The following TPH2 variants were observed in gnomAD, a reference collection of about 807,000 sequenced individuals.
TPH2 encodes tryptophan 5-hydroxylase 2.
A neutral mutation model predicts 59.1 loss-of-function variants in TPH2; 27 were observed. The ratio of observed to expected loss-of-function variants is 0.46; its 90% CI spans 0.34 to 0.63. TPH2 has a LOEUF of 0.63. TPH2 is among the 30% of genes least tolerant of loss of function. The probability of loss-of-function intolerance (pLI) is 0.01; values close to 1 mark genes in which losing one functional copy is unlikely to be tolerated. For missense variants in TPH2, 523 were observed against 588.3 expected (o/e 0.89, Z 1.15); for synonymous variants, 220 against 210.5 (o/e 1.05, Z -0.39).
chr12:71,962,740 T>C (rs1871721781), intron 5 of TPH2: 5 of 942,288 alleles, frequency 5.3e-6, no homozygotes, highest in Non-Finnish European at 6.3e-6. Flanking sequence ...TGTTTTGTTT[T>C]GAGATAGAGT....
chr12:72,031,221 T>C, intron 9 of TPH2, 37 bp from the exon 10 acceptor site: 1 of 1,612,886 alleles, frequency 6.2e-7, no homozygotes. Context: ...GGAAGTCTCA[T>C]TACAGAGTTT....
At chr12:71,977,533 GAATGTAGT>G (rs1396081313) in intron 6 of TPH2, among the ~76,000 whole-genome samples, 5 of 152,240 alleles carry the variant, frequency 3.3e-5, no homozygotes, top group Middle Eastern at 3.4e-3. Flanking sequence ...TAATGAACTT[GAATGTAGT>G]AATCATTTCA....
intron 6 of TPH2, among the ~76,000 whole-genome samples, chr12:71,977,227 T>A (rs539791972): frequency 6.6e-6 from 1 of 152,232 alleles, no homozygotes; most frequent in Non-Finnish European, 1.5e-5. Flanking sequence ...CAGCTCATTT[T>A]TTTATTTTTA....
At chr12:72,018,792 T>G (rs1386482) in intron 8 of TPH2, among the ~76,000 whole-genome samples, 80,088 of 152,010 alleles carry the variant, frequency 0.53, 22,426 homozygotes, top group Non-Finnish European at 0.64. Flanking sequence ...TAGACTTTTA[T>G]TTCTCCATTA....
At chr12:71,980,782 A>G (rs899458998) in intron 7 of TPH2, among the ~76,000 whole-genome samples, 1 of 152,196 alleles carries the variant, frequency 6.6e-6, no homozygotes, top group African/African-American at 2.4e-5. Flanking sequence ...AGAGAGAGAG[A>G]GAGGCAAAGA....
chr12:71,945,078 A>G (rs1325150808), intron 4 of TPH2, among the ~76,000 whole-genome samples: 1 of 152,148 alleles, frequency 6.6e-6, no homozygotes, highest in Non-Finnish European at 1.5e-5. Flanking sequence ...AGAGAATAAA[A>G]TTCTTCCTGC....
chr12:71,982,557 A>G (rs1354673536), intron 7 of TPH2, among the ~76,000 whole-genome samples: 2 of 152,184 alleles, frequency 1.3e-5, no homozygotes, highest in Admixed American at 1.3e-4. Flanking sequence ...TCAGCCACAT[A>G]ATTTGAATCT....
At chr12:71,962,259 T>TA (rs1330650645) in intron 5 of TPH2, 2 of 985,330 alleles carry the variant, frequency 2.0e-6, no homozygotes, top group Non-Finnish European at 2.4e-6. Context: ...TTTTTGTTTG[T>TA]AAAAAAATAT....
At chr12:72,007,075 C>T (rs1038096546) in intron 8 of TPH2, among the ~76,000 whole-genome samples, 5 of 152,130 alleles carry the variant, frequency 3.3e-5, no homozygotes, top group African/African-American at 9.7e-5. Context: ...CACGTTTCCC[C>T]TTCTGAAGTG....
chr12:71,939,227 C>T lies in TPH2; in HGVS notation c.105+136C>T, dbSNP rs534189191. On this transcript the variant is annotated intron_variant, in intron 1 of 10. Coordinates refer to ENST00000333850, the MANE Select transcript of TPH2 (RefSeq NM_173353.4). ...CCTTCTTTATAATCTGTCTACCCTG[C>T]TTTCCTCCTGTCTGCCTCCAGTCTT... The T allele has an allele frequency of 1.5e-5, 11 of 729,332 alleles. No homozygotes were observed. The East Asian group carries it at 3.0e-4, about 20-fold the overall frequency. The allele number at this position is 729,332 out of a possible 1,614,324, so 45.2% of individuals were successfully genotyped here.
intron 8 of TPH2, among the ~76,000 whole-genome samples, chr12:71,999,990 T>C (rs1048890743): frequency 2.0e-5 from 3 of 152,226 alleles, no homozygotes; most frequent in Non-Finnish European, 4.4e-5. Flanking sequence ...ATAAGTATCT[T>C]ATTGTGGTTG....
At chr12:72,005,783 T>G (rs1872940734) in intron 8 of TPH2, among the ~76,000 whole-genome samples, 1 of 152,168 alleles carries the variant, frequency 6.6e-6, no homozygotes, top group East Asian at 1.9e-4. Flanking sequence ...TGAGAAAAAA[T>G]TGAGCACATA....
Position 71,988,382 on chromosome 12 carries a change from G to A in TPH2, c.942-6057G>A, listed in dbSNP as rs139503375. 5.8e-3 allele frequency among the ~76,000 whole-genome samples: 890 copies of A among 152,242 alleles called. 11 individuals carry two copies. Among genetic ancestry groups the A allele is most frequent in the African/African-American group, 0.021 (866 of 41,546 alleles). On this transcript the variant is annotated intron_variant, in intron 7 of 10. Transcript: ENST00000333850. ...AAGAAAAGGGGTTTAATTGGCTCGC[G>A]GTTCTGCAGGCTGCACAGGAAGCAT...
intron 5 of TPH2, among the ~76,000 whole-genome samples, chr12:71,955,965 G>A (rs1191615035): frequency 6.6e-6 from 1 of 152,178 alleles, no homozygotes; most frequent in Non-Finnish European, 1.5e-5. Flanking sequence ...AAGAATTAGG[G>A]AACAGCCTAG....
intron 5 of TPH2, chr12:71,961,541 T>G: frequency 7.4e-7 from 1 of 1,351,652 alleles, no homozygotes; most frequent in Non-Finnish European, 9.8e-7. Flanking sequence ...TCTTTGTGAA[T>G]CTTCATTCTA....
chr12:72,010,084 C>A (rs1267150898), intron 8 of TPH2, among the ~76,000 whole-genome samples: 2 of 152,178 alleles, frequency 1.3e-5, no homozygotes. Flanking sequence ...ACACAGGGAA[C>A]CTAAAACTCA....
intron 5 of TPH2, among the ~76,000 whole-genome samples, chr12:71,967,080 A>G (rs1490813663): frequency 6.6e-6 from 1 of 152,208 alleles, no homozygotes; most frequent in Non-Finnish European, 1.5e-5. Flanking sequence ...AACTTCCAAA[A>G]TTTCAGTCTC....
In TPH2 at chr12:72,031,314, A is replaced by G; in HGVS notation, c.1221A>G (p.Leu407=). The part of the protein sequence containing the change: ...VKAFDPKTTC[L]QECLITTFQE... The stretch of plus-strand genomic sequence containing the variant: ...CCTTTGACCCAAAGACAACTTGCTT[A>G]CAGGAATGCCTTATCACCACCTTCC... Residue 407 remains leucine (L), a synonymous_variant, in exon 10 of 11, where the codon TTA becomes TTG. Transcript: ENST00000333850. The G allele has an allele frequency of 1.2e-6, 2 of 1,613,710 alleles. No individual in the cohort carries two copies. Among genetic ancestry groups the G allele is most frequent in the Non-Finnish European group, 1.7e-6 (2 of 1,179,640 alleles).
chr12:71,942,972 A>G (rs963985343), intron 2 of TPH2, among the ~76,000 whole-genome samples: 5 of 152,168 alleles, frequency 3.3e-5, no homozygotes, highest in Non-Finnish European at 5.9e-5. Context: ...TCACTCTGCC[A>G]TCAGCTAGTC....
Sources: allele counts gnomAD v4.1 joint callset (sites outside exome capture counted in the v4.1 genomes callset), GRCh38; gene constraint gnomAD v4.1.1; transcripts MANE v1.5; gene names NCBI Gene and HGNC (gene_info 2026-07-23, HGNC 2026-07-21).